Variants in SFXN4 observed in about 807,000 individuals in gnomAD.
SFXN4 encodes the protein sideroflexin-4.
A neutral mutation model predicts 54.6 loss-of-function variants in SFXN4; 48 were observed. The observed-to-expected ratio is 0.88, with a 90% CI of 0.70 to 1.12. SFXN4 has a LOEUF of 1.12. Ranked by LOEUF, SFXN4 falls within the 50% of genes most tolerant of loss-of-function variation. SFXN4 has a pLI of 0.00. For synonymous variants in SFXN4, 130 were observed against 145.5 expected (o/e 0.89, Z 0.77); for missense variants, 383 against 409.2 (o/e 0.94, Z 0.55).
At chr10:119,156,525 C>G (rs994004054) in intron 10 of SFXN4, among the ~76,000 whole-genome samples, 153 bp downstream of exon 10, 1 of 152,164 alleles carries the variant, frequency 6.6e-6, no homozygotes, top group Non-Finnish European at 1.5e-5. Flanking sequence ...AACCAAAGAC[C>G]TGATTTGGGC....
chr10:119,161,098 G>T lies in SFXN4; in HGVS notation c.253-17C>A, dbSNP rs758172295. On this transcript the variant is annotated splice_polypyrimidine_tract_variant and intron_variant, in intron 3 of 13. Coordinates refer to ENST00000355697, the MANE Select transcript of SFXN4 (RefSeq NM_213649.2). ...TTCTTGTATCTTAAAGGAGAAAAAA[G>T]AATAGCTTTGTTTCATTTTAAATTT... The T allele has an allele frequency of 3.7e-6, 6 of 1,613,438 alleles. No homozygotes were observed. Among genetic ancestry groups the T allele is most frequent in the Middle Eastern group, 1.7e-4 (1 of 6,058 alleles).
chr10:119,160,991 G>C, intron 4 of SFXN4, 22 bp from the exon 5 acceptor site: 2 of 1,614,142 alleles, frequency 1.2e-6, no homozygotes, highest in African/African-American at 1.3e-5. Flanking sequence ...GAGATGCAAG[G>C]TTAGCTGGAT....
chr10:119,142,726 A>ATTTT (rs573311460), intron 13 of SFXN4, among the ~76,000 whole-genome samples: 6 of 77,446 alleles, frequency 7.7e-5, no homozygotes, highest in African/African-American at 1.5e-4. Context: ...AATGTTTTGA[A>ATTTT]TTTTTTTTTT....
chr10:119,160,630 C>T (rs1341195414), intron 5 of SFXN4, among the ~76,000 whole-genome samples: 1 of 141,852 alleles, frequency 7.0e-6, no homozygotes, highest in East Asian at 2.0e-4. Context: ...ACTCTTGTTG[C>T]CCAGGCTGGA....
intron 13 of SFXN4, among the ~76,000 whole-genome samples, chr10:119,144,570 A>G (rs541011343): frequency 6.6e-6 from 1 of 152,314 alleles, no homozygotes; most frequent in Admixed American, 6.5e-5. Flanking sequence ...TTAAAAAAAA[A>G]AAAATGTCCT....
At chr10:119,147,239 A>G (rs1193072899) in intron 12 of SFXN4, among the ~76,000 whole-genome samples, 1 of 152,144 alleles carries the variant, frequency 6.6e-6, no homozygotes, top group Non-Finnish European at 1.5e-5. Flanking sequence ...TTCCGGCCCT[A>G]AAGCCCCAAC....
Position 119,141,336 on chromosome 10 carries a change from T to G in SFXN4, c.937-17A>C. On this transcript the variant is annotated splice_polypyrimidine_tract_variant and intron_variant, in intron 13 of 13. Coordinates refer to ENST00000355697, the MANE Select transcript of SFXN4 (RefSeq NM_213649.2). ...GTACTGTATCTGAAAAATAGTTAAA[T>G]TCATAATGTTTCTATTAATAGTTTT... 6.9e-7 allele frequency: 1 copy of G among 1,455,752 alleles called. No individual in the cohort carries two copies. The highest frequency in any genetic ancestry group is 9.5e-7 in the Non-Finnish European group (1 of 1,053,848). 90.2% of individuals were successfully genotyped at this position (1,455,752 alleles called of 1,614,324 possible). A position where few individuals can be genotyped will look rare whatever the true frequency, so the allele number is the denominator to read the frequency against.
intron 12 of SFXN4, among the ~76,000 whole-genome samples, chr10:119,146,755 G>C (rs1160486838): frequency 6.6e-6 from 1 of 152,084 alleles, no homozygotes; most frequent in Admixed American, 6.6e-5. Context: ...TTTCAGTAGA[G>C]ACGGGGTTCA....
intron 10 of SFXN4, 152 bp downstream of exon 10, chr10:119,156,526 T>G: frequency 1.5e-6 from 1 of 665,434 alleles, no homozygotes; most frequent in Non-Finnish European, 2.7e-6. Flanking sequence ...ACCAAAGACC[T>G]GATTTGGGCT....
chr10:119,161,520 T>C (rs1315116565), intron 3 of SFXN4, among the ~76,000 whole-genome samples: 1 of 151,896 alleles, frequency 6.6e-6, no homozygotes, highest in Non-Finnish European at 1.5e-5. Context: ...ACATTTGTTC[T>C]ACCTTTCAGA....
In SFXN4 at chr10:119,159,667, G is replaced by A. The variant is rs3740558; in HGVS notation, c.360+61C>T. 0.5 allele frequency: 779,813 copies of A among 1,558,406 alleles called. 197,041 individuals are homozygous for A. Among genetic ancestry groups the A allele is most frequent in the East Asian group, 0.7 (31,044 of 44,608 alleles). ...GCTGGAGGGACACAGCTGAGGTTAG[G>A]AGGAGAGTGGCCATCTTCCCAAGCC... On this transcript the variant is annotated intron_variant, in intron 6 of 13. Transcript: ENST00000355697.
intron 2 of SFXN4, 91 bp downstream of exon 2, chr10:119,164,040 C>CAAAAAAAAA (rs368539311): frequency 1.3e-5 from 4 of 309,804 alleles, no homozygotes; most frequent in Middle Eastern, 1.1e-3. Context: ...AACTCCGTCT[C>CAAAAAAAAA]AAAAAAAAAA....
chr10:119,142,546 C>CT (rs35040668), intron 13 of SFXN4, among the ~76,000 whole-genome samples: 111,757 of 118,296 alleles, frequency 0.94, 53,211 homozygotes, highest in Non-Finnish European at 0.99. Context: ...TATTTTGTGT[C>CT]TTTTTTTTTT....
intron 13 of SFXN4, among the ~76,000 whole-genome samples, chr10:119,144,064 C>A (rs1172581547): frequency 6.6e-6 from 1 of 152,134 alleles, no homozygotes; most frequent in Non-Finnish European, 1.5e-5. Context: ...ACCTATAAAA[C>A]GTGGGTTCTG....
rs1847741491 is a variant in SFXN4 at position 119,165,664 on chromosome 10, T to A, written c.-17A>T. 2 of 1,544,716 alleles carry A rather than the reference T, an allele frequency of 1.3e-6. No homozygotes were observed. The highest frequency in any genetic ancestry group is 8.7e-7 in the Non-Finnish European group (1 of 1,151,464). On this transcript the variant is annotated 5_prime_UTR_variant, in exon 1 of 14. Coordinates refer to ENST00000355697, the MANE Select transcript of SFXN4 (RefSeq NM_213649.2). ...CAGGGACATTTTGCGCTGGTTAGAGTGGCCGCCGCCGCCAGGCCGCGCGTG... is the reference window on the plus strand; with the variant it reads ...CAGGGACATTTTGCGCTGGTTAGAGAGGCCGCCGCCGCCAGGCCGCGCGTG...
At chr10:119,144,719 T>G (rs1356868996) in intron 13 of SFXN4, among the ~76,000 whole-genome samples, 3 of 152,174 alleles carry the variant, frequency 2.0e-5, no homozygotes, top group Non-Finnish European at 4.4e-5. Flanking sequence ...CATCATAAAT[T>G]ATATTATAAA....
intron 6 of SFXN4, among the ~76,000 whole-genome samples, chr10:119,158,996 C>A (rs994144088): frequency 6.8e-6 from 1 of 146,954 alleles, no homozygotes; most frequent in Non-Finnish European, 1.5e-5. Flanking sequence ...AAACAAAAAA[C>A]GGTCCAGGCA....
intron 12 of SFXN4, among the ~76,000 whole-genome samples, chr10:119,146,607 C>T (rs566872632): frequency 4.6e-5 from 7 of 152,150 alleles, no homozygotes; most frequent in South Asian, 2.1e-4. Context: ...CTTCCTCTGT[C>T]GCCCAGGCTG....
At chr10:119,141,574 C>T (rs757575176) in intron 13 of SFXN4, among the ~76,000 whole-genome samples, 3 of 149,056 alleles carry the variant, frequency 2.0e-5, no homozygotes, top group Non-Finnish European at 3.0e-5. Context: ...GCAGTGGCAC[C>T]ATCTCAGGTC....
Sources: allele counts gnomAD v4.1 joint callset (sites outside exome capture counted in the v4.1 genomes callset), GRCh38; gene constraint gnomAD v4.1.1; transcripts MANE v1.5; gene names NCBI Gene and HGNC (gene_info 2026-07-23, HGNC 2026-07-21).